Variants in LIN9 observed in about 807,000 individuals in gnomAD.
LIN9 encodes protein lin-9 homolog.
LIN9 carries 18 observed loss-of-function variants against 78.0 expected under a neutral mutation model. The observed-to-expected ratio is 0.23, with a 90% CI of 0.16 to 0.34. LIN9 has a LOEUF of 0.34. LIN9 is among the 10% of genes least tolerant of loss of function. LIN9 has a pLI of 1.00. For synonymous variants in LIN9, 192 were observed against 215.2 expected (o/e 0.89, Z 0.94); for missense variants, 451 against 644.1 (o/e 0.70, Z 3.25).
intron 11 of LIN9, among the ~76,000 whole-genome samples, chr1:226,247,571 G>A (rs956425267): frequency 5.9e-5 from 9 of 151,990 alleles, no homozygotes; most frequent in Non-Finnish European, 8.8e-5. Flanking sequence ...ACTTGCAGAA[G>A]TCCCCAAGGA....
chr1:226,296,436 T>C (rs1662152526), intron 3 of LIN9, among the ~76,000 whole-genome samples: 1 of 152,128 alleles, frequency 6.6e-6, no homozygotes, highest in African/African-American at 2.4e-5. Context: ...TTTTCACTTG[T>C]AAATAAAAGA....
At chr1:226,281,914 G>A (rs1332233650) in intron 6 of LIN9, among the ~76,000 whole-genome samples, 6 of 151,926 alleles carry the variant, frequency 3.9e-5, no homozygotes, top group African/African-American at 1.4e-4. Flanking sequence ...GGCTGCTCTC[G>A]AACTCCTGAC....
chr1:226,239,667 G>A (rs962371498), intron 11 of LIN9, among the ~76,000 whole-genome samples: 10 of 152,134 alleles, frequency 6.6e-5, no homozygotes, highest in South Asian at 2.1e-4. Context: ...ATCTAGTGGG[G>A]TTGTTGCAAA....
intron 7 of LIN9, among the ~76,000 whole-genome samples, chr1:226,274,351 G>A (rs1660495521): frequency 6.6e-6 from 1 of 152,130 alleles, no homozygotes; most frequent in South Asian, 2.1e-4. Context: ...CTGATATGAA[G>A]TTGGCTGCCA....
At chr1:226,249,965 T>G (rs1266378778) in intron 11 of LIN9, among the ~76,000 whole-genome samples, 1 of 151,274 alleles carries the variant, frequency 6.6e-6, no homozygotes, top group African/African-American at 2.4e-5. Flanking sequence ...AGGTCAGGAG[T>G]TCCAGAGCAG....
intron 4 of LIN9, among the ~76,000 whole-genome samples, chr1:226,290,693 T>C (rs1661724633): frequency 6.6e-6 from 1 of 152,184 alleles, no homozygotes; most frequent in Non-Finnish European, 1.5e-5. Flanking sequence ...GGTTCTGTAC[T>C]GAGTTGGAGG....
chr1:226,304,790 A>C (rs1045053136), intron 1 of LIN9, among the ~76,000 whole-genome samples: 1 of 152,208 alleles, frequency 6.6e-6, no homozygotes, highest in Non-Finnish European at 1.5e-5. Flanking sequence ...CTGGGAATGC[A>C]ATTAAGACAG....
chr1:226,258,261 G>A (rs1192693325), intron 10 of LIN9, among the ~76,000 whole-genome samples: 2 of 152,038 alleles, frequency 1.3e-5, no homozygotes, highest in East Asian at 3.9e-4. Context: ...AGCACTTTGG[G>A]AGGCTGAGGC....
intron 1 of LIN9, among the ~76,000 whole-genome samples, chr1:226,307,714 C>A (rs1376003858): frequency 6.6e-6 from 1 of 152,228 alleles, no homozygotes; most frequent in East Asian, 1.9e-4. Context: ...TGGTCAATAG[C>A]TGTGCCCTAC....
intron 10 of LIN9, among the ~76,000 whole-genome samples, chr1:226,252,699 G>A (rs760876078): frequency 4.6e-5 from 7 of 152,210 alleles, no homozygotes; most frequent in African/African-American, 9.6e-5. Context: ...CAGGCCAGGT[G>A]TGGTAGCTCA....
At chr1:226,235,020 C>T (rs1657595466) in intron 12 of LIN9, among the ~76,000 whole-genome samples, 2 of 151,292 alleles carry the variant, frequency 1.3e-5, no homozygotes, top group South Asian at 4.2e-4. Context: ...TTGCTCAGTC[C>T]TAGAGTACAC....
intron 10 of LIN9, among the ~76,000 whole-genome samples, chr1:226,258,374 G>A (rs1399246523): frequency 2.7e-5 from 4 of 150,868 alleles, no homozygotes; most frequent in Admixed American, 6.6e-5. Context: ...GGTGGAGGAC[G>A]CATGTAATCC....
At chr1:226,290,861 A>C (rs1266470704) in intron 4 of LIN9, among the ~76,000 whole-genome samples, 1 of 151,978 alleles carries the variant, frequency 6.6e-6, no homozygotes, top group Non-Finnish European at 1.5e-5. Context: ...GGTTCAACCT[A>C]TTCTCATGCC....
chr1:226,247,763 G>T (rs903885360), intron 11 of LIN9, among the ~76,000 whole-genome samples: 1 of 150,378 alleles, frequency 6.6e-6, no homozygotes, highest in Non-Finnish European at 1.5e-5. Context: ...TGTCTGCTTC[G>T]TGGGTTCAAG....
chr1:226,300,701 C>T (rs1451388603), intron 2 of LIN9, among the ~76,000 whole-genome samples: 2 of 152,120 alleles, frequency 1.3e-5, no homozygotes, highest in East Asian at 3.9e-4. Flanking sequence ...ACTGAAATTA[C>T]AAAAATTAGC....
chr1:226,235,764 C>T (rs534351278), intron 12 of LIN9, among the ~76,000 whole-genome samples: 1 of 152,324 alleles, frequency 6.6e-6, no homozygotes, highest in South Asian at 2.1e-4. Context: ...TTTCTGTTTG[C>T]ATTTACTTGT....
At chr1:226,247,284 T>C (rs919552848) in intron 11 of LIN9, among the ~76,000 whole-genome samples, 2 of 152,152 alleles carry the variant, frequency 1.3e-5, no homozygotes, top group Non-Finnish European at 2.9e-5. Context: ...AAAAACTCCA[T>C]TGTCTAGTCT....
chr1:226,274,466 T>C (rs1267019693), intron 7 of LIN9, among the ~76,000 whole-genome samples: 1 of 152,214 alleles, frequency 6.6e-6, no homozygotes, highest in East Asian at 1.9e-4. Context: ...GTTTTGTGTA[T>C]ATGTGGGTAT....
Position 226,240,458 on chromosome 1 carries a change from C to T in LIN9, c.1120-1362G>A, listed in dbSNP as rs1003489555. On this transcript the variant is annotated intron_variant, in intron 11 of 14. Coordinates refer to ENST00000681046, the MANE Select transcript of LIN9 (RefSeq NM_001366245.2). ...GGCTGGAGTGCAATGACGTGATCTC[C>T]GCTCACTACAACCTCTGCCTCCTAA... Among the ~76,000 whole-genome samples, 25 of 151,162 alleles carry T rather than the reference C, an allele frequency of 1.7e-4. 1 individual carries two copies. The highest frequency in any genetic ancestry group is 4.9e-4 in the African/African-American group (20 of 41,108).
Sources: gnomAD v4.1 joint callset for allele counts (sites outside exome capture counted in the v4.1 genomes callset) on GRCh38, gnomAD v4.1.1 for gene constraint, MANE v1.5 for transcripts, NCBI Gene and HGNC (gene_info 2026-07-23, HGNC 2026-07-21) for gene names.